IDI1: variants seen among roughly 807,000 people sequenced by gnomAD.
IDI1 encodes the protein isopentenyl-diphosphate delta isomerase 1, also known as isopentenyl-diphosphate Delta-isomerase 1.
IDI1 carries 23 observed loss-of-function variants against 32.9 expected under a neutral mutation model. The observed-to-expected ratio is 0.70, with a 90% confidence interval of 0.50 to 0.99. The LOEUF is 0.99. IDI1 is among the 50% of genes least tolerant of loss of function. The probability of loss-of-function intolerance (pLI) is 0.00; values close to 1 mark genes in which losing one functional copy is unlikely to be tolerated. For missense variants in IDI1, 326 were observed against 351.9 expected (o/e 0.93, Z 0.59); for synonymous variants, 133 against 128.2 (o/e 1.04, Z -0.25).
chr10:1,053,506 A>C (rs993095762), upstream of IDI1, among the ~76,000 whole-genome samples: 5 of 152,262 alleles, frequency 3.3e-5, no homozygotes, highest in African/African-American at 9.6e-5. Flanking sequence ...GAGTTTCTCC[A>C]TATCAGCAAT....
upstream of IDI1, among the ~76,000 whole-genome samples, chr10:1,051,986 C>T (rs1212075927): frequency 6.6e-6 from 1 of 152,182 alleles, no homozygotes; most frequent in Non-Finnish European, 1.5e-5. Context: ...AATTCTCCTA[C>T]CTCAGCCTCA....
At chr10:1,048,812 C>T in intron 1 of IDI1, 52 bp downstream of exon 1, 1 of 1,584,280 alleles carries the variant, frequency 6.3e-7, no homozygotes, top group Non-Finnish European at 8.6e-7. Flanking sequence ...CCCGCAGCTC[C>T]CCGATGCCGC....
chr10:1,048,856 C>T lies in IDI1; in HGVS notation c.140+8G>A, dbSNP rs748258301. 4.0e-5 allele frequency: 65 copies of T among 1,605,612 alleles called. No individual in the cohort carries two copies. Among genetic ancestry groups the T allele is most frequent in the Middle Eastern group, 1.8e-4 (1 of 5,574 alleles). On this transcript the variant is annotated splice_region_variant and intron_variant, in intron 1 of 4. Transcript: ENST00000381344. ...TGTCTCCCGAACTCCGCCGCCCGTC[C>T]ACAGTACCTGATCAGCCTCCGGCCA...
upstream of IDI1, among the ~76,000 whole-genome samples, chr10:1,049,795 C>A (rs1832945124): frequency 6.6e-6 from 1 of 152,146 alleles, no homozygotes; most frequent in African/African-American, 2.4e-5. Context: ...GCTGGAATTA[C>A]AGGCATGCGC....
the IDI1 span, among the ~76,000 whole-genome samples, chr10:1,055,449 A>C: frequency 1 from 152,263 of 152,264 alleles, 76,131 homozygotes; most frequent in Non-Finnish European, 1. Context: ...TGCGGTCCAG[A>C]AAAATAAAAC....
chr10:1,053,744 T>G (rs1336451645), upstream of IDI1, among the ~76,000 whole-genome samples: 2 of 152,136 alleles, frequency 1.3e-5, no homozygotes, highest in Non-Finnish European at 2.9e-5. Flanking sequence ...TTTTTTTTTT[T>G]TTTGAGTCAG....
chr10:1,055,445 C>G, the IDI1 span, among the ~76,000 whole-genome samples: 1 of 152,044 alleles, frequency 6.6e-6, no homozygotes. Flanking sequence ...GTGGTGCGGT[C>G]CAGAAAAATA....
chr10:1,042,087 G>A (rs986801599), intron 4 of IDI1, among the ~76,000 whole-genome samples: 3 of 152,110 alleles, frequency 2.0e-5, no homozygotes, highest in South Asian at 2.1e-4. Flanking sequence ...GATTACAGGC[G>A]TGAGCCACCA....
At chr10:1,055,364 T>G in the IDI1 span, among the ~76,000 whole-genome samples, 41 of 152,370 alleles carry the variant, frequency 2.7e-4, no homozygotes, top group African/African-American at 9.1e-4. Flanking sequence ...TTATTTTCAG[T>G]GACTTTTATG....
chr10:1,049,054 C>T lies in IDI1; in HGVS notation c.-51G>A. The T allele has an allele frequency of 6.9e-7, 1 of 1,447,898 alleles. No homozygotes were observed. Among genetic ancestry groups the T allele is most frequent in the Non-Finnish European group, 9.0e-7 (1 of 1,108,844 alleles). The allele number at this position is 1,447,898 out of a possible 1,614,324, so 89.7% of individuals were successfully genotyped here. ...CGCTTGACGACACAATCTCGCCAAG[C>T]TTCGCCTGGTGGTGCCACCTCCCTG... On this transcript the variant is annotated 5_prime_UTR_variant, in exon 1 of 5. Transcript: ENST00000381344.
At position 1,041,055 on chromosome 10, in the gene IDI1, T is replaced by C; in HGVS notation, c.*132A>G. ...AGTTTTAAAGTATCAGTGTATATAA[T>C]ACATTAATGATAGTACCAAATGATA... On this transcript the variant is annotated 3_prime_UTR_variant, in exon 5 of 5. Transcript: ENST00000381344. 2 of 623,226 alleles carry C rather than the reference T, an allele frequency of 3.2e-6. No individual in the cohort carries two copies. The highest frequency in any genetic ancestry group is 2.8e-6 in the Non-Finnish European group (1 of 360,928). The allele number at this position is 623,226 out of a possible 1,614,324, so 38.6% of individuals were successfully genotyped here. A position where few individuals can be genotyped will look rare whatever the true frequency, so the allele number is the denominator to read the frequency against.
In IDI1 at chr10:1,048,379, T is replaced by C. The variant is rs1832865823; in HGVS notation, c.140+485A>G. 5 of 1,305,056 alleles carry C rather than the reference T, an allele frequency of 3.8e-6. No individual in the cohort carries two copies. The South Asian group carries it at 4.9e-5, about 13-fold the overall frequency. The allele number at this position is 1,305,056 out of a possible 1,614,324, so 80.8% of individuals were successfully genotyped here. A position where few individuals can be genotyped will look rare whatever the true frequency, so the allele number is the denominator to read the frequency against. On this transcript the variant is annotated intron_variant, in intron 1 of 4. Transcript: ENST00000381344. Reference sequence around the variant, plus strand: ...TCCCAGGAGAAGCGCCTTGAGTGTGTTGCTGTCACCCTCTTGCACGGACGC... The same window carrying C: ...TCCCAGGAGAAGCGCCTTGAGTGTGCTGCTGTCACCCTCTTGCACGGACGC...
At chr10:1,039,409 T>C (rs1000783377), downstream of IDI1, 5 of 152,232 alleles carry the variant, frequency 3.3e-5, no homozygotes, top group African/African-American at 1.2e-4. Context: ...CTTAAAGGAG[T>C]TGGCAATGGT....
chr10:1,048,116 C>T, intron 1 of IDI1: 1 of 640,962 alleles, frequency 1.6e-6, no homozygotes, highest in South Asian at 1.7e-5. Flanking sequence ...TCGACTCCGC[C>T]TCCCAAAGTG....
chr10:1,045,900 C>T (rs575403141), intron 1 of IDI1, among the ~76,000 whole-genome samples: 138 of 136,574 alleles, frequency 1.0e-3, no homozygotes, highest in African/African-American at 3.3e-3. Flanking sequence ...TGTGTGAATG[C>T]GTGTGTCAGG....
chr10:1,056,278 G>A, the IDI1 span: 4 of 152,156 alleles, frequency 2.6e-5, no homozygotes, highest in Non-Finnish European at 5.9e-5. Context: ...TTCCAACCTA[G>A]ATTCTAAGAA....
chr10:1,043,856 G>A, intron 2 of IDI1, 143 bp downstream of exon 2: 2 of 700,236 alleles, frequency 2.9e-6, no homozygotes, highest in Non-Finnish European at 5.0e-6. Context: ...AGATGCTAAT[G>A]ACCACACTAT....
Position 1,041,152 on chromosome 10 carries a change from C to T in IDI1, c.*35G>A. ...AAAAAGTCATTCTAAGTTTGTTAAG[C>T]AGATAAATTTTTCTGTAATCATTTA... On this transcript the variant is annotated 3_prime_UTR_variant, in exon 5 of 5. Transcript: ENST00000381344. The T allele has an allele frequency of 8.4e-7, 1 of 1,183,632 alleles. No individual in the cohort carries two copies. The allele number at this position is 1,183,632 out of a possible 1,614,324, so 73.3% of individuals were successfully genotyped here.
At chr10:1,046,286 T>C (rs1462958801) in intron 1 of IDI1, among the ~76,000 whole-genome samples, 2 of 152,222 alleles carry the variant, frequency 1.3e-5, no homozygotes, top group East Asian at 3.8e-4. Context: ...AGAACTGACA[T>C]ATTCCTATTG....
Sources: gnomAD v4.1 joint callset for allele counts (sites outside exome capture counted in the v4.1 genomes callset) on GRCh38, gnomAD v4.1.1 for gene constraint, MANE v1.5 for transcripts, NCBI Gene and HGNC (gene_info 2026-07-23, HGNC 2026-07-21) for gene names.